The following AFF3 variants were observed in gnomAD, a reference collection of about 807,000 sequenced individuals.
The protein encoded by AFF3 is ALF transcription elongation factor 3.
In AFF3, 32 loss-of-function variants were observed where a neutral mutation model predicts 129.7. That is an observed-to-expected ratio of 0.25 (90% CI 0.19 to 0.33). AFF3 has a LOEUF of 0.33. Among genes scored for constraint, AFF3 ranks in the 10% least tolerant of loss-of-function variants. AFF3 has a pLI of 1.00. For synonymous variants in AFF3, 644 were observed against 635.4 expected (o/e 1.01, Z -0.20); for missense variants, 1,373 against 1,592.0 (o/e 0.86, Z 2.34).
At chr2:99,845,359 A>G (rs1280415076) in intron 7 of AFF3, among the ~76,000 whole-genome samples, 1 of 152,210 alleles carries the variant, frequency 6.6e-6, no homozygotes. Context: ...GCCTATAGTT[A>G]AAAGCATATT....
At chr2:99,932,790 A>G (rs545161231) in intron 7 of AFF3, among the ~76,000 whole-genome samples, 7 of 152,234 alleles carry the variant, frequency 4.6e-5, no homozygotes, top group Non-Finnish European at 1.0e-4. Context: ...AAGAGTTTTA[A>G]TGACTACAGA....
At chr2:99,610,925 C>T (rs987279384) in intron 13 of AFF3, among the ~76,000 whole-genome samples, 3 of 152,170 alleles carry the variant, frequency 2.0e-5, no homozygotes, top group Non-Finnish European at 4.4e-5. Flanking sequence ...TCTGATGACA[C>T]CCACGTAAGA....
chr2:99,592,935 C>T (rs1678843139), intron 15 of AFF3, among the ~76,000 whole-genome samples: 1 of 83,554 alleles, frequency 1.2e-5, no homozygotes. Flanking sequence ...GACTCCCTCC[C>T]CCCCCCCCAA....
intron 2 of AFF3, chr2:100,106,112 TATTTGAGATCGG>T: frequency 7.9e-7 from 1 of 1,266,858 alleles, no homozygotes. Flanking sequence ...ACTTCTTTCC[TATTTGAGATCGG>T]ATTTGAGAAT....
At chr2:100,069,301 C>A (rs568696601) in intron 4 of AFF3, among the ~76,000 whole-genome samples, 17 of 152,234 alleles carry the variant, frequency 1.1e-4, no homozygotes, top group East Asian at 7.7e-4. Flanking sequence ...CAGATCTATA[C>A]CCCAGAACTT....
chr2:99,663,528 C>T (rs1052435076), intron 12 of AFF3, among the ~76,000 whole-genome samples: 1 of 152,166 alleles, frequency 6.6e-6, no homozygotes, highest in African/African-American at 2.4e-5. Context: ...TAATTGCATG[C>T]TCTCCAAATA....
chr2:99,873,201 G>A (rs572192440), intron 7 of AFF3, among the ~76,000 whole-genome samples: 2 of 152,276 alleles, frequency 1.3e-5, no homozygotes, highest in East Asian at 3.9e-4. Flanking sequence ...AATTGGTAAC[G>A]TTTGTTACTT....
intron 11 of AFF3, among the ~76,000 whole-genome samples, chr2:99,705,640 A>C (rs1677287373): frequency 6.6e-6 from 1 of 152,020 alleles, no homozygotes; most frequent in Non-Finnish European, 1.5e-5. Context: ...TTGGGAGGCC[A>C]AGGTGGGTGG....
chr2:99,631,638 A>T (rs1038051414), intron 13 of AFF3, among the ~76,000 whole-genome samples: 3 of 152,214 alleles, frequency 2.0e-5, no homozygotes, highest in African/African-American at 7.2e-5. Context: ...ATCATTTAGC[A>T]AAATGTCCTC....
At chr2:99,717,146 T>C (rs1221207319) in intron 11 of AFF3, among the ~76,000 whole-genome samples, 4 of 152,190 alleles carry the variant, frequency 2.6e-5, no homozygotes, top group Non-Finnish European at 4.4e-5. Context: ...TTGATGGACA[T>C]TGGGGTTCAG....
chr2:99,975,734 C>G lies in AFF3; in HGVS notation c.873+30898G>C, dbSNP rs1305031167. On this transcript the variant is annotated intron_variant, in intron 7 of 24. Transcript: ENST00000672756. ...CACAGCCCTTTTTGCCAACATCTCA[C>G]TCATTACCTTTTCCCTCCACTTTTT... 2.0e-5 allele frequency among the ~76,000 whole-genome samples: 3 copies of G among 148,014 alleles called. No homozygotes were observed. The East Asian group carries it at 5.9e-4, about 29-fold the overall frequency.
chr2:99,935,881 T>C (rs955183204), intron 7 of AFF3, among the ~76,000 whole-genome samples: 4 of 152,074 alleles, frequency 2.6e-5, no homozygotes, highest in African/African-American at 9.7e-5. Context: ...CCCAGCGACA[T>C]GGAGGAAGGA....
intron 4 of AFF3, among the ~76,000 whole-genome samples, chr2:100,083,970 A>G (rs1689231806): frequency 6.6e-6 from 1 of 152,160 alleles, no homozygotes; most frequent in Non-Finnish European, 1.5e-5. Flanking sequence ...AAAGCCACAA[A>G]GTTCTATGAC....
At chr2:99,672,058 T>C (rs1687188363) in intron 12 of AFF3, among the ~76,000 whole-genome samples, 1 of 152,136 alleles carries the variant, frequency 6.6e-6, no homozygotes, top group African/African-American at 2.4e-5. Flanking sequence ...CTACATTTGC[T>C]CCTTCTCAAT....
At position 99,568,481 on chromosome 2, in the gene AFF3, A is replaced by G. The variant is rs566224928; in HGVS notation, c.2982+371T>C. 2.3e-3 allele frequency among the ~76,000 whole-genome samples: 347 copies of G among 152,328 alleles called. 1 individual carries two copies. The highest frequency in any genetic ancestry group is 3.4e-3 in the Non-Finnish European group (233 of 68,026). ...GTGAAGAACACAAGTGTTTTTGAAA[A>G]GAGATTTGATCCTGGGACCAAGCCA... On this transcript the variant is annotated intron_variant, in intron 19 of 24. Transcript: ENST00000672756.
chr2:99,653,871 C>CTTT lies in AFF3; in HGVS notation c.1144-4208_1144-4206dup, dbSNP rs869139940. 4.3e-4 allele frequency among the ~76,000 whole-genome samples: 43 copies of CTTT among 98,876 alleles called. 4 individuals are homozygous for CTTT. Among genetic ancestry groups the CTTT allele is most frequent in the African/African-American group, 6.6e-4 (16 of 24,276 alleles). The allele number at this position is 98,876 out of a possible 152,430, so 64.9% of individuals were successfully genotyped here. A position where few individuals can be genotyped will look rare whatever the true frequency, so the allele number is the denominator to read the frequency against. On this transcript the variant is annotated intron_variant, in intron 12 of 24. Transcript: ENST00000672756. ...TTAGCACCATCAATTGCCTGCACTG[C>CTTT]TTTTTTTCTTTTTTTTTTTTTTTTT... is the stretch of plus-strand genomic sequence containing the variant.
intron 13 of AFF3, among the ~76,000 whole-genome samples, chr2:99,610,157 G>A (rs1437917952): frequency 2.0e-5 from 3 of 152,100 alleles, no homozygotes; most frequent in Admixed American, 6.5e-5. Context: ...GCCTGTTGGT[G>A]GTCTCTTCAC....
At chr2:100,067,479 T>C (rs968313722) in intron 4 of AFF3, among the ~76,000 whole-genome samples, 2 of 152,172 alleles carry the variant, frequency 1.3e-5, no homozygotes, top group African/African-American at 4.8e-5. Context: ...CCCTGAAAGG[T>C]CAGAATTTTC....
At chr2:99,864,800 T>G (rs371745171) in intron 7 of AFF3, among the ~76,000 whole-genome samples, 14 of 152,236 alleles carry the variant, frequency 9.2e-5, no homozygotes, top group East Asian at 3.8e-4. Context: ...ATGTGTTCAC[T>G]GGGCATAAAA....
Sources: gnomAD v4.1 joint callset for allele counts (sites outside exome capture counted in the v4.1 genomes callset) on GRCh38, gnomAD v4.1.1 for gene constraint, MANE v1.5 for transcripts, NCBI Gene and HGNC (gene_info 2026-07-23, HGNC 2026-07-21) for gene names.